PRPS1L1: variants seen among roughly 807,000 people sequenced by gnomAD.
PRPS1L1 encodes the protein phosphoribosyl pyrophosphate synthetase 1 like 1.
PRPS1L1 carries 12 observed loss-of-function variants against 16.4 expected under a neutral mutation model. That is an observed-to-expected ratio of 0.73 (90% CI 0.47 to 1.19). The LOEUF (loss-of-function observed/expected upper bound fraction) is 1.19. Among genes scored for constraint, PRPS1L1 ranks in the 50% most tolerant of loss-of-function variants. The pLI, the probability that PRPS1L1 is intolerant of heterozygous loss-of-function variation, is 0.00. For synonymous variants in PRPS1L1, 153 were observed against 142.5 expected, an observed-to-expected ratio of 1.07 and a Z score of -0.53; for missense variants, 408 against 395.8, an observed-to-expected ratio of 1.03 and a Z score of -0.26.
Position 18,027,289 on chromosome 7 carries a change from C to T in PRPS1L1, c.494G>A (p.Cys165Tyr). ...ACCAGCATCTGGCGAGACAATAATG[C>T]AGTTCTTCCACTCAGGGATATTCTC... The change falls in exon 1 of 1, where the codon TGC (cysteine) becomes TAC (tyrosine). Residue 165 changes from cysteine (C) to tyrosine (Y), a missense_variant. Physicochemically the swap from Cys to Tyr is radical, Grantham distance 194. Transcript: ENST00000506618. 1.2e-6 allele frequency: 2 copies of T among 1,614,204 alleles called. No homozygotes were observed. Among genetic ancestry groups the T allele is most frequent in the Middle Eastern group, 1.6e-4 (1 of 6,062 alleles).
rs941138817 is a variant in PRPS1L1, at chr7:18,026,829, T to C, written c.954A>G (p.Leu318=). The C allele has an allele frequency of 3.2e-6, 5 of 1,577,878 alleles. No homozygotes were observed. In the East Asian group the frequency reaches 6.7e-5, roughly 21 times the overall value. Residue 318 remains leucine, a synonymous_variant, in exon 1 of 1, where the codon TTA becomes TTG. Coordinates refer to ENST00000506618, the MANE Select transcript of PRPS1L1 (RefSeq NM_175886.3). ...GCATAACCTAGAAGTTATTCTGTTA[T>C]AAAGGAACATGGCTGAACAGGTAGG... is the stretch of plus-strand genomic sequence containing the variant.
rs1478768111 is a variant in PRPS1L1 at position 18,027,575 on chromosome 7, G to T, written c.208C>A (p.Leu70Ile). 1.9e-6 allele frequency: 3 copies of T among 1,613,974 alleles called. No individual in the cohort carries two copies. The African/African-American group carries it at 4.0e-5, about 22-fold the overall frequency. Reference sequence around the variant, plus strand: ...TTGCAGGCATTAATCATGATCAAAAGCTCCATTAGACTGTCGTTGATTTCG... The same window carrying T: ...TTGCAGGCATTAATCATGATCAAAATCTCCATTAGACTGTCGTTGATTTCG... Residue 70 changes from leucine (L) to isoleucine (I), a missense_variant, in exon 1 of 1, where the codon CTT (leucine) becomes ATT (isoleucine). Physicochemically the swap from Leu to Ile is conservative, Grantham distance 5. Transcript: ENST00000506618.
rs746752118 is a variant in PRPS1L1 at position 18,027,104 on chromosome 7, C to T, written c.679G>A (p.Val227Ile). 3.1e-6 allele frequency: 5 copies of T among 1,614,126 alleles called. No homozygotes were observed. The highest frequency in any genetic ancestry group is 3.3e-5 in the Admixed American group (2 of 60,018). Residue 227 changes from valine (V) to isoleucine (I), a missense_variant, in exon 1 of 1, where the codon GTT becomes ATT. Coordinates refer to ENST00000506618, the MANE Select transcript of PRPS1L1 (RefSeq NM_175886.3). ...TTGTCAGCTGCGAGGCAGATTGTAA[C>T]ACAAGTGTCTGCCATGTCATCTACA... is the stretch of plus-strand genomic sequence containing the variant.
chr7:18,027,811 G>C lies in PRPS1L1; in HGVS notation c.-29C>G, dbSNP rs1424317646. 4 of 1,603,834 alleles carry C rather than the reference G, an allele frequency of 2.5e-6. No individual in the cohort carries two copies. The highest frequency in any genetic ancestry group is 3.4e-6 in the Non-Finnish European group (4 of 1,171,128). ...GGCCAACTACCAGAGGCACTCCGTC[G>C]AGCGATCCAGCTGCCGCTGAGGCTG... On this transcript the variant is annotated 5_prime_UTR_variant, in exon 1 of 1. Coordinates refer to ENST00000506618, the MANE Select transcript of PRPS1L1 (RefSeq NM_175886.3).
In PRPS1L1 at chr7:18,027,819, C is replaced by T. The variant is rs1782213967; in HGVS notation, c.-37G>A. The T allele has an allele frequency of 6.3e-7, 1 of 1,596,110 alleles. No homozygotes were observed. Among genetic ancestry groups the T allele is most frequent in the South Asian group, 1.1e-5 (1 of 90,684 alleles). On this transcript the variant is annotated 5_prime_UTR_variant, in exon 1 of 1. Transcript: ENST00000506618. ...ACCAGAGGCACTCCGTCGAGCGATC[C>T]AGCTGCCGCTGAGGCTGGAACGGAA...
rs781110570 is a variant in PRPS1L1 at position 18,027,390 on chromosome 7, A to T, written c.393T>A (p.Ala131=). The T allele has an allele frequency of 6.2e-7, 1 of 1,614,094 alleles. No homozygotes were observed. The highest frequency in any genetic ancestry group is 1.3e-5 in the African/African-American group (1 of 74,930). ...TATCAAAAAAGCCCTGAATTTGAGA[A>T]GCATGTAGGTCCATGGTGATGATAT... The change falls in exon 1 of 1, where the codon GCT becomes GCA. Residue 131 remains alanine (A), a synonymous_variant. Coordinates refer to ENST00000506618, the MANE Select transcript of PRPS1L1 (RefSeq NM_175886.3).
chr7:18,027,736 G>A lies in PRPS1L1; in HGVS notation c.47C>T (p.Ser16Phe). Residue 16 changes from serine to phenylalanine, a missense_variant, in exon 1 of 1, where the codon TCC (serine) becomes TTC (phenylalanine). By Grantham distance (155) the Ser-to-Phe change is radical. Coordinates refer to ENST00000506618, the MANE Select transcript of PRPS1L1 (RefSeq NM_175886.3). ...GCCCAGGCGGTCAGCAATTTTCTGGGATAAGTCCTGGTGGGAGCTGCCGCT... is the reference window on the plus strand; with the variant it reads ...GCCCAGGCGGTCAGCAATTTTCTGGAATAAGTCCTGGTGGGAGCTGCCGCT... The A allele has an allele frequency of 1.9e-6, 3 of 1,614,088 alleles. No homozygotes were observed. Among genetic ancestry groups the A allele is most frequent in the Non-Finnish European group, 2.5e-6 (3 of 1,180,024 alleles).
rs368037341 is a variant in PRPS1L1 at position 18,026,828 on chromosome 7, A to T, written c.955T>A (p.Ter319LysextTer5). 28 of 1,574,194 alleles carry T rather than the reference A, an allele frequency of 1.8e-5. No individual in the cohort carries two copies. Among genetic ancestry groups the T allele is most frequent in the Non-Finnish European group, 2.3e-5 (27 of 1,155,406 alleles). ...AGCATAACCTAGAAGTTATTCTGTT[A>T]TAAAGGAACATGGCTGAACAGGTAG... Residue 319 changes from the stop codon to lysine, a stop_lost, in exon 1 of 1, where the codon TAA becomes AAA. Transcript: ENST00000506618.
In PRPS1L1 at chr7:18,026,921, G is replaced by C. The variant is rs757326133; in HGVS notation, c.862C>G (p.Arg288Gly). 4.3e-5 allele frequency: 70 copies of C among 1,613,956 alleles called. No homozygotes were observed. The highest frequency in any genetic ancestry group is 2.8e-4 in the Admixed American group (17 of 60,004). Residue 288 changes from arginine to glycine, a missense_variant, in exon 1 of 1, where the codon CGA becomes GGA. Physicochemically the swap from Arg to Gly is moderately radical, Grantham distance 125 (BLOSUM62 -2). Coordinates refer to ENST00000506618, the MANE Select transcript of PRPS1L1 (RefSeq NM_175886.3). ...AGGATCATGGAGATGTCAATTACTCGTATTTTGGAGCAATGCTTCATCTTC... is the reference window on the plus strand; with the variant it reads ...AGGATCATGGAGATGTCAATTACTCCTATTTTGGAGCAATGCTTCATCTTC...
chr7:18,027,193 T>A lies in PRPS1L1; in HGVS notation c.590A>T (p.Lys197Met), dbSNP rs1296383139. Residue 197 changes from lysine (K) to methionine (M), a missense_variant, in exon 1 of 1, where the codon AAG becomes ATG. Lys to Met is a moderately conservative substitution (Grantham distance 95). Transcript: ENST00000506618. The stretch of plus-strand genomic sequence containing the variant: ...TATGCAGTCCACTTCATTGGCCTTC[T>A]TCCGTTCTTTATGAATCAAAGCAAA... 6.2e-7 allele frequency: 1 copy of A among 1,614,236 alleles called. No individual in the cohort carries two copies. The highest frequency in any genetic ancestry group is 8.5e-7 in the Non-Finnish European group (1 of 1,180,050).
rs1400325024 is a variant in PRPS1L1, at chr7:18,027,232, T to C, written c.551A>G (p.Gln184Arg). 1.2e-6 allele frequency: 2 copies of C among 1,614,102 alleles called. No homozygotes were observed. Among genetic ancestry groups the C allele is most frequent in the African/African-American group, 2.7e-5 (2 of 74,944 alleles). ...AATCAAAGCAAAGTCCACATTCAAC[T>C]GGTCTGCAATGGAGGTCACTCTTTT... Residue 184 changes from glutamine to arginine, a missense_variant, in exon 1 of 1, where the codon CAG becomes CGG. Transcript: ENST00000506618.
At position 18,027,802 on chromosome 7, in the gene PRPS1L1, C is replaced by A. The variant is rs1232428623; in HGVS notation, c.-20G>T. The A allele has an allele frequency of 6.2e-7, 1 of 1,611,578 alleles. No individual in the cohort carries two copies. Among genetic ancestry groups the A allele is most frequent in the Non-Finnish European group, 8.5e-7 (1 of 1,177,870 alleles). On this transcript the variant is annotated 5_prime_UTR_variant, in exon 1 of 1. Coordinates refer to ENST00000506618, the MANE Select transcript of PRPS1L1 (RefSeq NM_175886.3). ...CGGCGTCTTGGCCAACTACCAGAGG[C>A]ACTCCGTCGAGCGATCCAGCTGCCG...
In PRPS1L1 at chr7:18,026,985, AAAGCAT is replaced by A. The variant is rs1782195481; in HGVS notation, c.792_797del (p.Cys265_Phe266del). ...TGGTATTGGTGACTACCACTGCTTC[AAAGCAT>A]GCAGTGTTGATGCGAGAAATGGCTG... On this transcript the variant is annotated inframe_deletion, in exon 1 of 1. Transcript: ENST00000506618. 1 of 1,614,084 alleles carries A rather than the reference AAAGCAT, an allele frequency of 6.2e-7. No homozygotes were observed. Among genetic ancestry groups the A allele is most frequent in the Admixed American group, 1.7e-5 (1 of 60,004 alleles).
rs778868107 is a variant in PRPS1L1 at position 18,026,961 on chromosome 7, G to A, written c.822C>T (p.Thr274=). 2.5e-6 allele frequency: 4 copies of A among 1,614,134 alleles called. No individual in the cohort carries two copies. The East Asian group carries it at 8.9e-5, about 36-fold the overall frequency. Reference sequence around the variant, plus strand: ...GCTTCATCTTCTCATCTTGAGGTATGGTATTGGTGACTACCACTGCTTCAA... The same window carrying A: ...GCTTCATCTTCTCATCTTGAGGTATAGTATTGGTGACTACCACTGCTTCAA... The change falls in exon 1 of 1, where the codon ACC becomes ACT. Residue 274 remains threonine, a synonymous_variant. Coordinates refer to ENST00000506618, the MANE Select transcript of PRPS1L1 (RefSeq NM_175886.3).
chr7:18,027,391 G>C lies in PRPS1L1; in HGVS notation c.392C>G (p.Ala131Gly). 6.2e-7 allele frequency: 1 copy of C among 1,614,202 alleles called. No homozygotes were observed. The highest frequency in any genetic ancestry group is 8.5e-7 in the Non-Finnish European group (1 of 1,180,042). The change falls in exon 1 of 1, where the codon GCT (alanine) becomes GGT (glycine). Residue 131 changes from alanine to glycine, a missense_variant. Physicochemically the swap from Ala to Gly is moderately conservative, Grantham distance 60. Transcript: ENST00000506618. Reference sequence around the variant, plus strand: ...ATCAAAAAAGCCCTGAATTTGAGAAGCATGTAGGTCCATGGTGATGATATG... The same window carrying C: ...ATCAAAAAAGCCCTGAATTTGAGAACCATGTAGGTCCATGGTGATGATATG...
At position 18,027,764 on chromosome 7, in the gene PRPS1L1, A is replaced by G; in HGVS notation, c.19T>C (p.Phe7Leu). 6.2e-7 allele frequency: 1 copy of G among 1,614,012 alleles called. No individual in the cohort carries two copies. Among genetic ancestry groups the G allele is most frequent in the Non-Finnish European group, 8.5e-7 (1 of 1,180,016 alleles). ...AAGTCCTGGTGGGAGCTGCCGCTGA[A>G]GATTTTGATATTCGGCGTCTTGGCC... Residue 7 changes from phenylalanine to leucine, a missense_variant, in exon 1 of 1, where the codon TTC becomes CTC. Transcript: ENST00000506618.
Position 18,026,808 on chromosome 7 carries a change from A to T in PRPS1L1, c.*18T>A. 1 of 1,464,274 alleles carries T rather than the reference A, an allele frequency of 6.8e-7. No individual in the cohort carries two copies. Among genetic ancestry groups the T allele is most frequent in the Non-Finnish European group, 9.2e-7 (1 of 1,082,194 alleles). The allele number at this position is 1,464,274 out of a possible 1,614,324, so 90.7% of individuals were successfully genotyped here. ...ATCTTATTTTATTTTAAAATAGCAT[A>T]ACCTAGAAGTTATTCTGTTATAAAG... On this transcript the variant is annotated 3_prime_UTR_variant, in exon 1 of 1. Transcript: ENST00000506618.
At position 18,026,850 on chromosome 7, in the gene PRPS1L1, G is replaced by A. The variant is rs751887576; in HGVS notation, c.933C>T (p.Tyr311=). The A allele has an allele frequency of 1.2e-5, 20 of 1,607,740 alleles. No homozygotes were observed. The highest frequency in any genetic ancestry group is 1.0e-4 in the Admixed American group (6 of 59,694). Residue 311 remains tyrosine (Y), a synonymous_variant, in exon 1 of 1, where the codon TAC becomes TAT. Transcript: ENST00000506618. ...GTTATAAAGGAACATGGCTGAACAGGTAGGAAACAGATTCCCCATTATGAG... is the reference window on the plus strand; with the variant it reads ...GTTATAAAGGAACATGGCTGAACAGATAGGAAACAGATTCCCCATTATGAG...
chr7:18,027,484 T>C lies in PRPS1L1; in HGVS notation c.299A>G (p.Lys100Arg), dbSNP rs1293511939. 1.9e-6 allele frequency: 3 copies of C among 1,614,124 alleles called. No individual in the cohort carries two copies. Among genetic ancestry groups the C allele is most frequent in the Admixed American group, 1.7e-5 (1 of 60,016 alleles). Residue 100 changes from lysine to arginine, a missense_variant, in exon 1 of 1, where the codon AAG becomes AGG. Physicochemically the swap from Lys to Arg is conservative, Grantham distance 26 (BLOSUM62 2). Transcript: ENST00000506618. ...AGAGATTGGGGACCGGCTCTTATCCTTCTTATCCTGTCGGGCATAAGGGAA... is the reference window on the plus strand; with the variant it reads ...AGAGATTGGGGACCGGCTCTTATCCCTCTTATCCTGTCGGGCATAAGGGAA...
Sources: gnomAD v4.1 joint callset for allele counts on GRCh38, gnomAD v4.1.1 for gene constraint, MANE v1.5 for transcripts, NCBI Gene and HGNC (gene_info 2026-07-23, HGNC 2026-07-21) for gene names.